Variants in MS4A15 observed in about 807,000 individuals in gnomAD.
MS4A15 encodes membrane spanning 4-domains A15, also known as membrane-spanning 4-domains subfamily A member 15.
In MS4A15, 22 loss-of-function variants were observed where a neutral mutation model predicts 20.6. The ratio of observed to expected loss-of-function variants is 1.07; its 90% CI spans 0.76 to 1.52. The LOEUF (loss-of-function observed/expected upper bound fraction) is 1.52, where lower values mean the gene tolerates loss of function less well. MS4A15 is among the 40% of genes most tolerant of loss of function. The probability of loss-of-function intolerance (pLI) is 0.00; values close to 1 mark genes in which losing one functional copy is unlikely to be tolerated. For missense variants in MS4A15, 312 were observed against 323.0 expected, an observed-to-expected ratio of 0.97 and a Z score of 0.26; for synonymous variants, 129 against 129.3, an observed-to-expected ratio of 1.00 and a Z score of 0.02.
chr11:60,768,052 G>T (rs764363770), intron 3 of MS4A15, among the ~76,000 whole-genome samples: 1 of 152,188 alleles, frequency 6.6e-6, no homozygotes, highest in Non-Finnish European at 1.5e-5. Context: ...AATTAGCCGG[G>T]CACGGTGGTG....
intron 3 of MS4A15, among the ~76,000 whole-genome samples, 177 bp from the exon 4 acceptor site, chr11:60,771,114 C>T (rs1334450766): frequency 6.6e-6 from 1 of 152,194 alleles, no homozygotes; most frequent in East Asian, 1.9e-4. Flanking sequence ...AAGCCACAGC[C>T]CTAGTTCTCT....
intron 4 of MS4A15, 125 bp downstream of exon 4, chr11:60,771,472 G>C (rs1374192670): frequency 6.5e-7 from 1 of 1,548,088 alleles, no homozygotes; most frequent in South Asian, 1.2e-5. Context: ...CCTGCAAAGT[G>C]CCAGGGGAGG....
chr11:60,776,072 C>T lies in MS4A15; in HGVS notation c.*357C>T, dbSNP rs541553342. The T allele has an allele frequency of 1.7e-5, 3 of 174,290 alleles. No homozygotes were observed. In the Admixed American group the frequency reaches 1.8e-4, roughly 10 times the overall value. 10.8% of individuals were successfully genotyped at this position (174,290 alleles called of 1,614,324 possible). A position where few individuals can be genotyped will look rare whatever the true frequency, so the allele number is the denominator to read the frequency against. ...TCGAGGCCTGCCCTGACCCTCGGGCCTCGGGAAGGTCAGAGAGCCCGGAAT... is the reference window on the plus strand; with the variant it reads ...TCGAGGCCTGCCCTGACCCTCGGGCTTCGGGAAGGTCAGAGAGCCCGGAAT... On this transcript the variant is annotated 3_prime_UTR_variant, in exon 7 of 7. Transcript: ENST00000405633.
Position 60,776,474 on chromosome 11 carries a change from A to G in MS4A15, c.*759A>G, listed in dbSNP as rs1854197197. The G allele has an allele frequency of 7.3e-6, 1 of 136,900 alleles. No individual in the cohort carries two copies. Among genetic ancestry groups the G allele is most frequent in the Non-Finnish European group, 1.6e-5 (1 of 63,940 alleles). 8.5% of individuals were successfully genotyped at this position (136,900 alleles called of 1,614,324 possible). A position where few individuals can be genotyped will look rare whatever the true frequency, so the allele number is the denominator to read the frequency against. ...TGCAGGGGAGAGCTGCCGCCAGCCC[A>G]CTCCTGAGGCACCACCACAGTCAGC... On this transcript the variant is annotated 3_prime_UTR_variant, in exon 7 of 7. Coordinates refer to ENST00000405633, the MANE Select transcript of MS4A15 (RefSeq NM_001098835.2).
chr11:60,759,814 T>C (rs1853688457), intron 1 of MS4A15, among the ~76,000 whole-genome samples: 1 of 152,170 alleles, frequency 6.6e-6, no homozygotes. Context: ...CTTGAACTTA[T>C]TTATGATGCA....
Position 60,767,660 on chromosome 11 carries a change from G to T in MS4A15, c.348+5G>T. 1.3e-6 allele frequency: 2 copies of T among 1,546,342 alleles called. No homozygotes were observed. Among genetic ancestry groups the T allele is most frequent in the Non-Finnish European group, 8.7e-7 (1 of 1,144,854 alleles). ...CCCTTCTGGGGAGGAGCCTGCGTGA[G>T]TGCCGGGGCCATGGAGAGGGAGGGT... is the stretch of plus-strand genomic sequence containing the variant. On this transcript the variant is annotated splice_donor_5th_base_variant and intron_variant, in intron 3 of 6. Coordinates refer to ENST00000405633, the MANE Select transcript of MS4A15 (RefSeq NM_001098835.2).
chr11:60,774,972 G>A (rs1309104378), intron 6 of MS4A15, among the ~76,000 whole-genome samples: 1 of 152,226 alleles, frequency 6.6e-6, no homozygotes, highest in Non-Finnish European at 1.5e-5. Context: ...GTGCCACGGT[G>A]CAGGCAAGAG....
chr11:60,759,010 G>C (rs1448080226), intron 1 of MS4A15, among the ~76,000 whole-genome samples: 1 of 152,246 alleles, frequency 6.6e-6, no homozygotes, highest in Non-Finnish European at 1.5e-5. Flanking sequence ...GCGGTGTGTA[G>C]TATTACTCAT....
At chr11:60,761,369 A>G (rs1339628538) in intron 1 of MS4A15, among the ~76,000 whole-genome samples, 1 of 152,130 alleles carries the variant, frequency 6.6e-6, no homozygotes, top group Non-Finnish European at 1.5e-5. Context: ...ATTACCACTA[A>G]TCTTACTGAG....
Position 60,767,634 on chromosome 11 carries a change from C to G in MS4A15, c.327C>G (p.Val109=), listed in dbSNP as rs2134715836. The G allele has an allele frequency of 6.4e-7, 1 of 1,555,092 alleles. No homozygotes were observed. Among genetic ancestry groups the G allele is most frequent in the Non-Finnish European group, 8.7e-7 (1 of 1,148,824 alleles). ...HVGIFFIEGG[V]PFWGGACFII... ...GCATCTTCTTCATCGAGGGCGGCGT[C>G]CCCTTCTGGGGAGGAGCCTGCGTGA... is the stretch of plus-strand genomic sequence containing the variant. The change falls in exon 3 of 7, where the codon GTC becomes GTG. Residue 109 remains valine (V), a synonymous_variant. Transcript: ENST00000405633.
chr11:60,775,783 C>G lies in MS4A15; in HGVS notation c.*68C>G, dbSNP rs1044300450. 3.1e-6 allele frequency: 4 copies of G among 1,289,080 alleles called. No homozygotes were observed. The highest frequency in any genetic ancestry group is 4.4e-6 in the Non-Finnish European group (4 of 914,652). The allele number at this position is 1,289,080 out of a possible 1,614,324, so 79.9% of individuals were successfully genotyped here. ...TCTGGGCCCAGCCTCTCCCCACCCC[C>G]ACCTTGTTCATCAGGGGCCAGCCCC... is the stretch of plus-strand genomic sequence containing the variant. On this transcript the variant is annotated 3_prime_UTR_variant, in exon 7 of 7. Transcript: ENST00000405633.
At chr11:60,757,854 C>A (rs991217106) in intron 1 of MS4A15, among the ~76,000 whole-genome samples, 1 of 152,230 alleles carries the variant, frequency 6.6e-6, no homozygotes, top group South Asian at 2.1e-4. Flanking sequence ...AAGGGAGACT[C>A]TGAGGCGCTT....
intron 2 of MS4A15, among the ~76,000 whole-genome samples, chr11:60,765,446 C>T (rs1475673798): frequency 6.6e-6 from 1 of 151,976 alleles, no homozygotes; most frequent in Non-Finnish European, 1.5e-5. Flanking sequence ...GATGACAGCT[C>T]TTACTTATGA....
At chr11:60,760,603 A>C (rs1026484421) in intron 1 of MS4A15, among the ~76,000 whole-genome samples, 1 of 152,216 alleles carries the variant, frequency 6.6e-6, no homozygotes. Context: ...TAAAACTGAT[A>C]ATGGCCCCTG....
At position 60,776,437 on chromosome 11, in the gene MS4A15, T is replaced by A. The variant is rs1854196389; in HGVS notation, c.*722T>A. On this transcript the variant is annotated 3_prime_UTR_variant, in exon 7 of 7. Transcript: ENST00000405633. ...CCCCCCACCCCCTACCATCTCCCAA[T>A]GGAGGGGAGGTTGCAGGGGAGAGCT... 1 of 136,682 alleles carries A rather than the reference T, an allele frequency of 7.3e-6. No individual in the cohort carries two copies. Among genetic ancestry groups the A allele is most frequent in the African/African-American group, 2.7e-5 (1 of 37,266 alleles). 8.5% of individuals were successfully genotyped at this position (136,682 alleles called of 1,614,324 possible).
intron 3 of MS4A15, among the ~76,000 whole-genome samples, chr11:60,768,841 G>T (rs1853949569): frequency 1.3e-5 from 2 of 152,212 alleles, no homozygotes; most frequent in African/African-American, 2.4e-5. Flanking sequence ...GTGAGTGTTG[G>T]TTCCAGAACC....
intron 2 of MS4A15, among the ~76,000 whole-genome samples, chr11:60,765,889 A>G (rs1853874453): frequency 6.6e-6 from 1 of 152,078 alleles, no homozygotes; most frequent in Non-Finnish European, 1.5e-5. Flanking sequence ...TCCAAAAAAA[A>G]AAAAAAAATT....
Position 60,773,955 on chromosome 11 carries a change from G to A in MS4A15, c.612+5G>A. On this transcript the variant is annotated splice_donor_5th_base_variant and intron_variant, in intron 6 of 6. Transcript: ENST00000405633. ...ATCCATGCCCAGGCCAGTGCAGTGA[G>A]TACCCCCACCCCCACCCCCACGTCC... 1 of 1,609,074 alleles carries A rather than the reference G, an allele frequency of 6.2e-7. No individual in the cohort carries two copies. Among genetic ancestry groups the A allele is most frequent in the Non-Finnish European group, 8.5e-7 (1 of 1,175,578 alleles).
chr11:60,757,465 A>G (rs955666995), intron 1 of MS4A15, among the ~76,000 whole-genome samples: 7 of 152,286 alleles, frequency 4.6e-5, no homozygotes, highest in African/African-American at 1.7e-4. Flanking sequence ...CAGGAGGTTT[A>G]AAGGAGAAGG....
Sources: allele counts gnomAD v4.1 joint callset (sites outside exome capture counted in the v4.1 genomes callset), GRCh38; gene constraint gnomAD v4.1.1; transcripts MANE v1.5; gene names NCBI Gene and HGNC (gene_info 2026-07-23, HGNC 2026-07-21).